RYR2: variants seen among roughly 807,000 people sequenced by gnomAD.
RYR2 encodes the protein cardiac muscle ryanodine receptor-calcium release channel.
RYR2 carries 227 observed loss-of-function variants against 601.1 expected under a neutral mutation model. The ratio of observed to expected loss-of-function variants is 0.38; its 90% CI spans 0.34 to 0.42. The LOEUF (loss-of-function observed/expected upper bound fraction) is 0.42, where lower values mean the gene tolerates loss of function less well. Ranked by LOEUF, RYR2 falls within the 10% of genes least tolerant of loss-of-function variation. The pLI is 1.00. For synonymous variants in RYR2, 2,223 were observed against 2,175.1 expected (o/e 1.02, Z -0.61); for missense variants, 4,646 against 6,156.5 (o/e 0.75, Z 8.21).
intron 27 of RYR2, among the ~76,000 whole-genome samples, chr1:237,552,060 C>T (rs1038258632): frequency 5.3e-5 from 8 of 152,090 alleles, no homozygotes; most frequent in Non-Finnish European, 7.4e-5. Flanking sequence ...AATTAAATGA[C>T]GTATCTACTT....
intron 61 of RYR2, 131 bp downstream of exon 61, chr1:237,678,243 C>T (rs1685571785): frequency 3.4e-6 from 2 of 596,940 alleles, no homozygotes; most frequent in African/African-American, 1.8e-5. Context: ...TATTCTGTGG[C>T]ATGAAAATAA....
intron 8 of RYR2, among the ~76,000 whole-genome samples, chr1:237,381,590 T>C (rs1334464552): frequency 1.3e-5 from 2 of 152,254 alleles, no homozygotes; most frequent in African/African-American, 4.8e-5. Flanking sequence ...ATTAAACTAA[T>C]AGTGCATGGG....
intron 1 of RYR2, among the ~76,000 whole-genome samples, chr1:237,227,181 G>A (rs1233730326): frequency 6.6e-6 from 1 of 152,122 alleles, no homozygotes; most frequent in Non-Finnish European, 1.5e-5. Context: ...ATACAGCATG[G>A]TGACTCTAGT....
At chr1:237,270,141 C>T (rs1286017529) in intron 1 of RYR2, among the ~76,000 whole-genome samples, 1 of 152,136 alleles carries the variant, frequency 6.6e-6, no homozygotes. Context: ...ATGTGTCAGA[C>T]AATTTCTTGT....
At chr1:237,485,810 T>C (rs1213427013) in intron 17 of RYR2, among the ~76,000 whole-genome samples, 1 of 152,216 alleles carries the variant, frequency 6.6e-6, no homozygotes, top group Non-Finnish European at 1.5e-5. Context: ...AAGGTTGCAC[T>C]ATCTGGTTTA....
chr1:237,760,574 A>G (rs1352652306), intron 83 of RYR2, among the ~76,000 whole-genome samples: 4 of 152,148 alleles, frequency 2.6e-5, no homozygotes, highest in African/African-American at 9.7e-5. Context: ...TTTTTTTTCA[A>G]GATTTAAAAT....
chr1:237,290,352 G>A (rs1235594450), intron 2 of RYR2, among the ~76,000 whole-genome samples: 3 of 152,218 alleles, frequency 2.0e-5, no homozygotes, highest in Admixed American at 2.0e-4. Flanking sequence ...GCAAGGGCTG[G>A]AGGAAGTAGG....
intron 2 of RYR2, among the ~76,000 whole-genome samples, chr1:237,289,385 G>A (rs1303201898): frequency 2.0e-5 from 3 of 152,170 alleles, no homozygotes; most frequent in Non-Finnish European, 4.4e-5. Context: ...CCTGAGACTG[G>A]ATAATTTATA....
chr1:237,221,361 A>T (rs144802449), intron 1 of RYR2, among the ~76,000 whole-genome samples: 1 of 152,218 alleles, frequency 6.6e-6, no homozygotes, highest in Non-Finnish European at 1.5e-5. Flanking sequence ...TGGATGCTTT[A>T]ACTTATGAAA....
At chr1:237,367,380 C>G (rs936327103) in intron 5 of RYR2, among the ~76,000 whole-genome samples, 2 of 142,742 alleles carry the variant, frequency 1.4e-5, no homozygotes, top group Admixed American at 7.2e-5. Context: ...GCGTGAGCCA[C>G]TGCGTCTGGC....
intron 2 of RYR2, among the ~76,000 whole-genome samples, chr1:237,312,993 A>C (rs975928155): frequency 6.6e-6 from 1 of 151,512 alleles, no homozygotes; most frequent in Admixed American, 6.6e-5. Context: ...TTGACTCACA[A>C]AGTTTTAATA....
At chr1:237,312,950 A>G (rs1218695522) in intron 2 of RYR2, among the ~76,000 whole-genome samples, 2 of 152,172 alleles carry the variant, frequency 1.3e-5, no homozygotes, top group Admixed American at 6.5e-5. Context: ...AAACACCAAG[A>G]TAGACTGAAC....
At chr1:237,643,500 G>C in intron 48 of RYR2, 53 bp downstream of exon 48, 1 of 1,608,446 alleles carries the variant, frequency 6.2e-7, no homozygotes, top group Non-Finnish European at 8.5e-7. Flanking sequence ...ATGACATCAT[G>C]TTCTAAAGAA....
rs754589083 is a variant in RYR2 at position 237,614,610 on chromosome 1, C to A, written c.5482C>A (p.Leu1828Met). Reference sequence around the variant, plus strand: ...ACCTCTCATCAAGCTTTTCTATACCCTGCTGATCATGGGCATCTTTCACAA... The same window carrying A: ...ACCTCTCATCAAGCTTTTCTATACCATGCTGATCATGGGCATCTTTCACAA... Reference protein sequence around the residue: ...FVPLIKLFYTLLIMGIFHNED... With the variant: ...FVPLIKLFYTMLIMGIFHNED... Residue 1828 changes from leucine to methionine, a missense_variant, in exon 37 of 105, where the codon CTG becomes ATG. Physicochemically the swap from Leu to Met is conservative, Grantham distance 15. Around this residue, in one of 17 missense-constraint regions of RYR2, gnomAD observed 1,807 missense variants for 2,088.1 expected, o/e 0.87. Transcript: ENST00000366574. This position sits in a 1 kb window ranked among gnomAD's most constrained non-coding sequence, Gnocchi z 4.3. 1 of 1,614,010 alleles carries A rather than the reference C, an allele frequency of 6.2e-7. No homozygotes were observed. Among genetic ancestry groups the A allele is most frequent in the Admixed American group, 1.7e-5 (1 of 60,022 alleles).
chr1:237,280,000 C>T (rs1395376068), intron 2 of RYR2, among the ~76,000 whole-genome samples: 1 of 152,168 alleles, frequency 6.6e-6, no homozygotes, highest in Non-Finnish European at 1.5e-5. Context: ...GTAGATGTAA[C>T]AATATCAAGA....
intron 24 of RYR2, among the ~76,000 whole-genome samples, chr1:237,528,236 A>G (rs903991537): frequency 2.0e-5 from 3 of 152,198 alleles, no homozygotes; most frequent in Non-Finnish European, 2.9e-5. Context: ...AAAAACAACA[A>G]TTCTTCTGTC....
intron 1 of RYR2, among the ~76,000 whole-genome samples, chr1:237,065,639 T>C (rs6673763): frequency 0.94 from 143,017 of 152,148 alleles, 67,776 homozygotes; most frequent in East Asian, 1. Context: ...CCCTAGCCCA[T>C]GGGAGCCACT....
intron 11 of RYR2, among the ~76,000 whole-genome samples, chr1:237,421,043 A>G (rs985954761): frequency 6.6e-6 from 1 of 152,216 alleles, no homozygotes; most frequent in Middle Eastern, 3.2e-3. Flanking sequence ...GATCGAGACC[A>G]TCCTGGCTAA....
At chr1:237,332,218 G>C (rs1323914996) in intron 3 of RYR2, among the ~76,000 whole-genome samples, 1 of 152,074 alleles carries the variant, frequency 6.6e-6, no homozygotes, top group African/African-American at 2.4e-5. Flanking sequence ...ATTTTCATCA[G>C]CCTTGTAGTT....
Sources: gnomAD v4.1 joint callset for allele counts (sites outside exome capture counted in the v4.1 genomes callset) on GRCh38, gnomAD v4.1.1 for gene constraint, gnomAD v4.1.1 regional missense constraint, Gnocchi (gnomAD v3.1) non-coding constraint, MANE v1.5 for transcripts, NCBI Gene and HGNC (gene_info 2026-07-23, HGNC 2026-07-21) for gene names.